ADAMTS14: variants seen among roughly 807,000 people sequenced by gnomAD.
ADAMTS14 encodes the protein A disintegrin and metalloproteinase with thrombospondin motifs 14.
In ADAMTS14, 100 loss-of-function variants were observed where a neutral mutation model predicts 128.6. That is an observed-to-expected ratio of 0.78 (90% CI 0.66 to 0.92). The LOEUF (loss-of-function observed/expected upper bound fraction) is 0.92, where lower values mean the gene tolerates loss of function less well. ADAMTS14 is among the 40% of genes least tolerant of loss of function. The pLI is 0.00. For synonymous variants in ADAMTS14, 665 were observed against 653.8 expected (o/e 1.02, Z -0.26); for missense variants, 1,562 against 1,658.6 (o/e 0.94, Z 1.01).
intron 7 of ADAMTS14, 69 bp from the exon 8 acceptor site, chr10:70,733,816 C>A (rs1841729368): frequency 1.3e-6 from 2 of 1,550,634 alleles, no homozygotes; most frequent in Admixed American, 1.8e-5. Flanking sequence ...TGCTGGCCTG[C>A]CTGCCTGCCT....
At chr10:70,755,123 G>T (rs2791186) in intron 19 of ADAMTS14, among the ~76,000 whole-genome samples, 46,805 of 151,712 alleles carry the variant, frequency 0.31, 7,770 homozygotes, top group East Asian at 0.52. Context: ...CTGGGCAACA[G>T]AGCAAGACCT....
intron 2 of ADAMTS14, 78 bp downstream of exon 2, chr10:70,675,073 C>A: frequency 1.3e-6 from 2 of 1,525,172 alleles, no homozygotes; most frequent in Non-Finnish European, 1.8e-6. Flanking sequence ...TTGCTATGGG[C>A]ATGTTTTGCA....
In ADAMTS14 at chr10:70,760,572, G is replaced by T. The variant is rs1245473797; in HGVS notation, c.3391G>T (p.Ala1131Ser). 2.5e-6 allele frequency: 4 copies of T among 1,613,586 alleles called. No homozygotes were observed. Among genetic ancestry groups the T allele is most frequent in the Admixed American group, 3.3e-5 (2 of 59,966 alleles). ...AGGACCCCAGGACCCTGCAGATGCT[G>T]CAGAGCCTCCTGGAAAGCCAACGGG... ...LPGPQDPADAAEPPGKPTGSE... is the reference protein window; with the variant it reads ...LPGPQDPADASEPPGKPTGSE... Residue 1131 changes from alanine (A) to serine (S), a missense_variant, in exon 22 of 22, where the codon GCA (alanine) becomes TCA (serine). By Grantham distance (99) the Ala-to-Ser change is moderately conservative. Transcript: ENST00000373207.
At chr10:70,728,983 G>A (rs1841532653) in intron 4 of ADAMTS14, among the ~76,000 whole-genome samples, 1 of 152,228 alleles carries the variant, frequency 6.6e-6, no homozygotes, top group South Asian at 2.1e-4. Context: ...GACGTGGAAA[G>A]ATGAGTCTTG....
chr10:70,697,691 G>C (rs948241991), intron 2 of ADAMTS14, among the ~76,000 whole-genome samples: 1 of 152,176 alleles, frequency 6.6e-6, no homozygotes, highest in Non-Finnish European at 1.5e-5. Context: ...TTCACAGCGG[G>C]ACACAAGGTG....
At position 70,760,658 on chromosome 10, in the gene ADAMTS14, C is replaced by T. The variant is rs375936038; in HGVS notation, c.3477C>T (p.Ser1159=). ...TCCCAGGAGCTCTGGATACAAGCTC[C>T]CCAGGGACCCAGCATCCCTTTGCCC... The part of the protein sequence containing the change: ...TQLPGALDTS[S]PGTQHPFAPE... Residue 1159 remains serine, a synonymous_variant, in exon 22 of 22, where the codon TCC becomes TCT. Transcript: ENST00000373207. 1.7e-4 allele frequency: 275 copies of T among 1,614,172 alleles called. 3 individuals carry two copies. In the Middle Eastern group the frequency reaches 0.012, roughly 70 times the overall value.
chr10:70,752,025 C>T, intron 17 of ADAMTS14, 70 bp from the exon 18 acceptor site: 2 of 1,558,486 alleles, frequency 1.3e-6, no homozygotes, highest in Non-Finnish European at 1.7e-6. Context: ...CAGGTACTGC[C>T]CCTGAGGCCC....
chr10:70,690,574 A>G (rs935080953), intron 2 of ADAMTS14, among the ~76,000 whole-genome samples: 5 of 145,102 alleles, frequency 3.4e-5, no homozygotes, highest in Non-Finnish European at 7.9e-5. Context: ...AGTGATAAAC[A>G]TTTATGTGCG....
chr10:70,712,626 G>A (rs1840897301), intron 4 of ADAMTS14, among the ~76,000 whole-genome samples: 1 of 152,096 alleles, frequency 6.6e-6, no homozygotes, highest in South Asian at 2.1e-4. Flanking sequence ...GCCTCTGCCA[G>A]AGAAGATGGA....
intron 16 of ADAMTS14, 117 bp downstream of exon 16, chr10:70,750,102 G>A: frequency 3.7e-6 from 5 of 1,346,114 alleles, no homozygotes; most frequent in Non-Finnish European, 5.0e-6. Context: ...GCCTGGGCAA[G>A]GGCAAGGCAC....
chr10:70,685,526 C>T (rs992942974), intron 2 of ADAMTS14, among the ~76,000 whole-genome samples: 9 of 152,122 alleles, frequency 5.9e-5, no homozygotes, highest in African/African-American at 1.4e-4. Context: ...CTTTGGGGCC[C>T]TCTAGCTCCC....
In ADAMTS14 at chr10:70,744,206, CT is replaced by C. The variant is rs1842100792; in HGVS notation, c.2182+18del. 1 of 1,508,410 alleles carries C rather than the reference CT, an allele frequency of 6.6e-7. No individual in the cohort carries two copies. The highest frequency in any genetic ancestry group is 2.5e-5 in the East Asian group (1 of 39,960). The allele number at this position is 1,508,410 out of a possible 1,614,324, so 93.4% of individuals were successfully genotyped here. A position where few individuals can be genotyped will look rare whatever the true frequency, so the allele number is the denominator to read the frequency against. ...AGCAGGCAGGTGAGCCGGGCTGGGG[CT>C]GGGGGGATGACGAGGGCTGACTGGA... On this transcript the variant is annotated intron_variant, in intron 14 of 21. Coordinates refer to ENST00000373207, the MANE Select transcript of ADAMTS14 (RefSeq NM_080722.4).
chr10:70,730,718 T>C (rs1007889376), intron 6 of ADAMTS14, among the ~76,000 whole-genome samples: 2 of 152,156 alleles, frequency 1.3e-5, no homozygotes, highest in Non-Finnish European at 2.9e-5. Flanking sequence ...GTCCTCCCAA[T>C]TGTGGAATGG....
rs1463144252 is a variant in ADAMTS14 at position 70,752,861 on chromosome 10, G to T, written c.2729+634G>T. ...GCAAGGGTGGGAACCGGTGGCCAGC[G>T]CTAGAGGCTGCTGTGGCCTCCCTGT... On this transcript the variant is annotated intron_variant, in intron 18 of 21. Coordinates refer to ENST00000373207, the MANE Select transcript of ADAMTS14 (RefSeq NM_080722.4). Among the ~76,000 whole-genome samples, 4 of 152,154 alleles carry T rather than the reference G, an allele frequency of 2.6e-5. No homozygotes were observed. The East Asian group carries it at 5.8e-4, about 22-fold the overall frequency.
intron 2 of ADAMTS14, among the ~76,000 whole-genome samples, chr10:70,693,245 A>G (rs1184159284): frequency 6.6e-6 from 1 of 152,194 alleles, no homozygotes; most frequent in African/African-American, 2.4e-5. Context: ...CTAACACTGG[A>G]CATCACATTT....
At chr10:70,757,865 G>A (rs975234184) in intron 19 of ADAMTS14, 97 bp from the exon 20 acceptor site, 18 of 1,489,392 alleles carry the variant, frequency 1.2e-5, no homozygotes, top group East Asian at 4.6e-5. Flanking sequence ...TTCTGTCCCC[G>A]GGCACTGGCT....
rs775791280 is a variant in ADAMTS14, at chr10:70,749,149, G to A, written c.2264-673G>A. The stretch of plus-strand genomic sequence containing the variant: ...GTGTGGCATCTGCAATCACAGCAGT[G>A]CCAAAAGTCCAGTACTTTTCTGGTG... On this transcript the variant is annotated intron_variant, in intron 15 of 21. Coordinates refer to ENST00000373207, the MANE Select transcript of ADAMTS14 (RefSeq NM_080722.4). Among the ~76,000 whole-genome samples the A allele has an allele frequency of 3.5e-4, 53 of 152,310 alleles. 1 individual carries two copies. The highest frequency in any genetic ancestry group is 1.3e-3 in the African/African-American group (52 of 41,554).
intron 19 of ADAMTS14, among the ~76,000 whole-genome samples, chr10:70,755,542 G>C (rs1054415047): frequency 2.6e-5 from 4 of 152,066 alleles, no homozygotes; most frequent in Non-Finnish European, 5.9e-5. Flanking sequence ...CTGAACCATA[G>C]ACTTAAAAAT....
At chr10:70,722,882 G>A (rs1310865616) in intron 4 of ADAMTS14, among the ~76,000 whole-genome samples, 1 of 152,214 alleles carries the variant, frequency 6.6e-6, no homozygotes, top group East Asian at 1.9e-4. Context: ...TATTCATGTA[G>A]AGACTCCGTC....
Sources: gnomAD v4.1 joint callset for allele counts (sites outside exome capture counted in the v4.1 genomes callset) on GRCh38, gnomAD v4.1.1 for gene constraint, MANE v1.5 for transcripts, NCBI Gene and HGNC (gene_info 2026-07-23, HGNC 2026-07-21) for gene names.